The following LMBR1 variants were observed in gnomAD, a reference collection of about 807,000 sequenced individuals.
LMBR1 encodes the protein limb region 1 protein homolog.
LMBR1 carries 52 observed loss-of-function variants against 73.9 expected under a neutral mutation model. The observed-to-expected ratio is 0.70, with a 90% confidence interval of 0.56 to 0.89. The LOEUF (loss-of-function observed/expected upper bound fraction) is 0.89. LMBR1 is among the 40% of genes least tolerant of loss of function. The probability of loss-of-function intolerance (pLI) is 0.00; values close to 1 mark genes in which losing one functional copy is unlikely to be tolerated. For missense variants in LMBR1, 539 were observed against 579.8 expected, an observed-to-expected ratio of 0.93 and a Z score of 0.72; for synonymous variants, 215 against 209.4, an observed-to-expected ratio of 1.03 and a Z score of -0.23.
chr7:156,716,093 G>A (rs1813148672), intron 15 of LMBR1, among the ~76,000 whole-genome samples: 2 of 152,122 alleles, frequency 1.3e-5, no homozygotes, highest in Non-Finnish European at 2.9e-5. Flanking sequence ...AAAAGATGCA[G>A]AAAACAAGTC....
chr7:156,751,104 T>C (rs1820797158), intron 9 of LMBR1, among the ~76,000 whole-genome samples: 1 of 152,132 alleles, frequency 6.6e-6, no homozygotes, highest in Admixed American at 6.6e-5. Context: ...AGTGAGACCT[T>C]GTCTCAATAA....
chr7:156,874,711 C>T (rs1199501389), intron 1 of LMBR1, among the ~76,000 whole-genome samples: 1 of 152,144 alleles, frequency 6.6e-6, no homozygotes, highest in African/African-American at 2.4e-5. Context: ...CACTGCAGCT[C>T]GGCCCTCAGG....
At chr7:156,738,801 C>A (rs925418482) in intron 9 of LMBR1, among the ~76,000 whole-genome samples, 4 of 151,984 alleles carry the variant, frequency 2.6e-5, no homozygotes, top group African/African-American at 9.7e-5. Flanking sequence ...CCCTTGGGCC[C>A]CAAAGATCCA....
At chr7:156,838,774 A>G (rs1292275071) in intron 1 of LMBR1, among the ~76,000 whole-genome samples, 1 of 151,984 alleles carries the variant, frequency 6.6e-6, no homozygotes, top group African/African-American at 2.4e-5. Context: ...TCTATTTTTA[A>G]TTTTTTGAGG....
intron 1 of LMBR1, among the ~76,000 whole-genome samples, chr7:156,866,303 A>G (rs1157289291): frequency 6.6e-6 from 1 of 152,152 alleles, no homozygotes; most frequent in Non-Finnish European, 1.5e-5. Context: ...TAACAGATCA[A>G]AGGCATATAC....
At chr7:156,719,972 T>G (rs549139551) in intron 15 of LMBR1, among the ~76,000 whole-genome samples, 1 of 151,826 alleles carries the variant, frequency 6.6e-6, no homozygotes, top group East Asian at 1.9e-4. Flanking sequence ...GATTAAAGAC[T>G]TAAACGTTAG....
At position 156,767,297 on chromosome 7, in the gene LMBR1, C is replaced by T. The variant is rs115064882; in HGVS notation, c.424-3502G>A. Among the ~76,000 whole-genome samples, 540 of 151,644 alleles carry T rather than the reference C, an allele frequency of 3.6e-3. 6 individuals carry two copies. The highest frequency in any genetic ancestry group is 0.012 in the African/African-American group (508 of 41,294). Reference sequence around the variant, plus strand: ...CACAAAGGACTGTGAAGTGACTGCACGGAATTGTTGGTGAACAATGACAAA... The same window carrying T: ...CACAAAGGACTGTGAAGTGACTGCATGGAATTGTTGGTGAACAATGACAAA... On this transcript the variant is annotated intron_variant, in intron 5 of 16. Coordinates refer to ENST00000353442, the MANE Select transcript of LMBR1 (RefSeq NM_022458.4).
chr7:156,857,612 T>C lies in LMBR1; in HGVS notation c.67-20727A>G, dbSNP rs184497651. On this transcript the variant is annotated intron_variant, in intron 1 of 16. Coordinates refer to ENST00000353442, the MANE Select transcript of LMBR1 (RefSeq NM_022458.4). ...GGCATCATCTATCAACTGGATCTAA[T>C]TGACATTTATAGAATATTTCATCCA... Among the ~76,000 whole-genome samples, 209 of 152,342 alleles carry C rather than the reference T, an allele frequency of 1.4e-3. 1 individual carries two copies. The highest frequency in any genetic ancestry group is 4.2e-3 in the African/African-American group (174 of 41,586).
intron 5 of LMBR1, among the ~76,000 whole-genome samples, chr7:156,785,251 T>G (rs1827864758): frequency 6.6e-6 from 1 of 152,132 alleles, no homozygotes; most frequent in Admixed American, 6.5e-5. Context: ...CACTCCAGCC[T>G]GGATGACAGA....
intron 4 of LMBR1, among the ~76,000 whole-genome samples, chr7:156,805,001 C>A (rs1262660797): frequency 1.3e-5 from 2 of 152,026 alleles, no homozygotes; most frequent in Non-Finnish European, 2.9e-5. Context: ...CCTTGAGTTA[C>A]AGTTTGCGAA....
chr7:156,867,756 G>A (rs1327201898), intron 1 of LMBR1, among the ~76,000 whole-genome samples: 1 of 152,196 alleles, frequency 6.6e-6, no homozygotes, highest in Non-Finnish European at 1.5e-5. Flanking sequence ...TGGTGGCCTA[G>A]GGCTAGAGGA....
chr7:156,774,898 G>A (rs1424161613), intron 5 of LMBR1, among the ~76,000 whole-genome samples: 1 of 152,200 alleles, frequency 6.6e-6, no homozygotes, highest in Non-Finnish European at 1.5e-5. Context: ...ATTGTCCTAA[G>A]CGAACTAATG....
intron 1 of LMBR1, among the ~76,000 whole-genome samples, chr7:156,857,103 C>A (rs367994390): frequency 5.9e-5 from 9 of 151,266 alleles, no homozygotes; most frequent in East Asian, 3.9e-4. Context: ...ACCAAAAAAA[C>A]CACCAAGAAC....
intron 1 of LMBR1, among the ~76,000 whole-genome samples, chr7:156,838,373 C>T (rs1285729253): frequency 1.3e-5 from 2 of 152,066 alleles, no homozygotes; most frequent in African/African-American, 2.4e-5. Context: ...CTCTCCAAGC[C>T]CCCACCCCTA....
Position 156,877,929 on chromosome 7 carries a change from C to T in LMBR1, c.66+14999G>A, listed in dbSNP as rs144573603. Among the ~76,000 whole-genome samples the T allele has an allele frequency of 5.7e-3, 858 of 151,102 alleles. 12 individuals are homozygous for T. Among genetic ancestry groups the T allele is most frequent in the African/African-American group, 0.019 (802 of 41,230 alleles). On this transcript the variant is annotated intron_variant, in intron 1 of 16. Transcript: ENST00000353442. Reference sequence around the variant, plus strand: ...AAGTCAATAAATGTGATACACCACACGAACAGAATTAAAAACAAAAATCAC... The same window carrying T: ...AAGTCAATAAATGTGATACACCACATGAACAGAATTAAAAACAAAAATCAC...
rs1256094642 is a variant in LMBR1, at chr7:156,766,419, A to G, written c.424-2624T>C. Among the ~76,000 whole-genome samples the G allele has an allele frequency of 2.0e-5, 3 of 152,092 alleles. 1 individual carries two copies. The highest frequency in any genetic ancestry group is 4.4e-5 in the Non-Finnish European group (3 of 68,020). On this transcript the variant is annotated intron_variant, in intron 5 of 16. Coordinates refer to ENST00000353442, the MANE Select transcript of LMBR1 (RefSeq NM_022458.4). ...ACTGGCACCAAAAGGAAGCTTGTGC[A>G]CTCGGTTATGTGCTGTGCATAACCA...
chr7:156,853,139 T>C (rs1053397689), intron 1 of LMBR1, among the ~76,000 whole-genome samples: 13 of 151,582 alleles, frequency 8.6e-5, no homozygotes, highest in Non-Finnish European at 1.5e-4. Flanking sequence ...GGGATTTCAC[T>C]GTGTTAGCCA....
At chr7:156,793,135 T>C (rs532161459) in intron 5 of LMBR1, among the ~76,000 whole-genome samples, 16 of 152,320 alleles carry the variant, frequency 1.1e-4, no homozygotes, top group African/African-American at 3.4e-4. Context: ...CTAATGACTG[T>C]GATCAATCAT....
intron 15 of LMBR1, among the ~76,000 whole-genome samples, chr7:156,689,425 T>G (rs1806691328): frequency 6.6e-6 from 1 of 152,222 alleles, no homozygotes; most frequent in Admixed American, 6.5e-5. Flanking sequence ...TATACTCAAT[T>G]TTACATTATC....
Sources: allele counts gnomAD v4.1 joint callset (sites outside exome capture counted in the v4.1 genomes callset), GRCh38; gene constraint gnomAD v4.1.1; transcripts MANE v1.5; gene names NCBI Gene and HGNC (gene_info 2026-07-23, HGNC 2026-07-21).